FHIT: variants seen among roughly 807,000 people sequenced by gnomAD.
FHIT encodes the protein bis(5'-adenosyl)-triphosphatase.
FHIT carries 19 observed loss-of-function variants against 17.9 expected under a neutral mutation model. The ratio of observed to expected loss-of-function variants is 1.06; its 90% CI spans 0.74 to 1.56. The LOEUF is 1.56. Among genes scored for constraint, FHIT ranks in the 40% most tolerant of loss-of-function variants. FHIT has a pLI of 0.00. For synonymous variants in FHIT, 81 were observed against 69.7 expected, an observed-to-expected ratio of 1.16 and a Z score of -0.81; for missense variants, 248 against 189.2, an observed-to-expected ratio of 1.31 and a Z score of -1.82.
chr3:60,937,634 G>A (rs950390062), intron 3 of FHIT, among the ~76,000 whole-genome samples: 5 of 138,716 alleles, frequency 3.6e-5, no homozygotes, highest in African/African-American at 5.3e-5. Flanking sequence ...TGAGGTCTCC[G>A]CTCACTGCAA....
At chr3:59,921,716 C>T (rs1360289295) in intron 8 of FHIT, among the ~76,000 whole-genome samples, 1 of 152,224 alleles carries the variant, frequency 6.6e-6, no homozygotes, top group Non-Finnish European at 1.5e-5. Context: ...AAATGGGCAT[C>T]TGAAAGTTCT....
At chr3:60,128,989 T>C (rs1346584993) in intron 5 of FHIT, among the ~76,000 whole-genome samples, 4 of 152,048 alleles carry the variant, frequency 2.6e-5, no homozygotes, top group African/African-American at 9.7e-5. Context: ...TTCATTGATT[T>C]CACACCTTTC....
intron 5 of FHIT, among the ~76,000 whole-genome samples, chr3:60,535,043 G>A (rs1255319914): frequency 6.6e-6 from 1 of 152,150 alleles, no homozygotes; most frequent in Admixed American, 6.5e-5. Flanking sequence ...GGCCAACATG[G>A]CAAAACCCCG....
intron 4 of FHIT, among the ~76,000 whole-genome samples, chr3:60,587,022 T>C (rs2037929510): frequency 2.0e-5 from 3 of 152,068 alleles, no homozygotes; most frequent in South Asian, 4.2e-4. Context: ...TCAAACATCC[T>C]GCCTAGGATT....
intron 5 of FHIT, among the ~76,000 whole-genome samples, chr3:60,266,079 T>C (rs1172702563): frequency 6.6e-6 from 1 of 151,954 alleles, no homozygotes; most frequent in Non-Finnish European, 1.5e-5. Flanking sequence ...TGAAAACATA[T>C]GTTCACACAA....
intron 3 of FHIT, among the ~76,000 whole-genome samples, chr3:60,907,493 A>G (rs1706495643): frequency 6.6e-6 from 1 of 152,254 alleles, no homozygotes; most frequent in Admixed American, 6.5e-5. Context: ...AAAAAGAGAC[A>G]TTACAAGGTA....
At chr3:60,453,543 G>A (rs971532677) in intron 5 of FHIT, among the ~76,000 whole-genome samples, 1 of 152,166 alleles carries the variant, frequency 6.6e-6, no homozygotes, top group Non-Finnish European at 1.5e-5. Flanking sequence ...TCAACAGGAA[G>A]TTGTAAAACA....
chr3:60,639,055 T>C (rs2039660863), intron 4 of FHIT, among the ~76,000 whole-genome samples: 2 of 141,566 alleles, frequency 1.4e-5, no homozygotes, highest in South Asian at 2.4e-4. Context: ...AACCAAGGCA[T>C]GCAAGATTCA....
chr3:59,942,274 T>G (rs988756547), intron 7 of FHIT, among the ~76,000 whole-genome samples: 1 of 152,210 alleles, frequency 6.6e-6, no homozygotes, highest in East Asian at 1.9e-4. Context: ...TATTATTTGA[T>G]GCTTATGCAA....
At chr3:60,317,033 A>G (rs557668099) in intron 5 of FHIT, among the ~76,000 whole-genome samples, 1 of 152,194 alleles carries the variant, frequency 6.6e-6, no homozygotes, top group Non-Finnish European at 1.5e-5. Context: ...TGTGTTAACC[A>G]TAGCTATACA....
intron 8 of FHIT, among the ~76,000 whole-genome samples, chr3:59,876,960 T>C (rs557043913): frequency 1.3e-5 from 2 of 152,316 alleles, no homozygotes; most frequent in East Asian, 3.9e-4. Context: ...AAACAGTTCC[T>C]TGTCCATCAA....
intron 8 of FHIT, among the ~76,000 whole-genome samples, chr3:59,881,301 C>T (rs535088081): frequency 2.0e-5 from 3 of 152,230 alleles, no homozygotes; most frequent in Admixed American, 6.5e-5. Flanking sequence ...CTACACTGGC[C>T]AAGTATTTGG....
At chr3:60,425,462 A>T (rs987201650) in intron 5 of FHIT, among the ~76,000 whole-genome samples, 1 of 152,118 alleles carries the variant, frequency 6.6e-6, no homozygotes, top group Non-Finnish European at 1.5e-5. Flanking sequence ...TGGTGAAGTA[A>T]TCTGTACACT....
intron 5 of FHIT, among the ~76,000 whole-genome samples, chr3:60,097,778 T>C (rs1365180749): frequency 6.6e-6 from 1 of 151,416 alleles, no homozygotes; most frequent in Non-Finnish European, 1.5e-5. Context: ...GTTTGTTACA[T>C]ATGTATACAT....
At chr3:60,858,090 T>C (rs1553750443) in intron 3 of FHIT, among the ~76,000 whole-genome samples, 1 of 152,188 alleles carries the variant, frequency 6.6e-6, no homozygotes, top group Non-Finnish European at 1.5e-5. Flanking sequence ...TTTGTCTTGG[T>C]CACTACTCCA....
chr3:61,171,062 C>A (rs2037989151), intron 2 of FHIT, among the ~76,000 whole-genome samples: 3 of 152,192 alleles, frequency 2.0e-5, no homozygotes, highest in Admixed American at 2.0e-4. Context: ...AATTTACACT[C>A]CCACCAAAGG....
rs537805254 is a variant in FHIT at position 59,915,938 on chromosome 3, A to G, written c.348+6408T>C. ...CAAAGTGAGACCCTGTCTCTTAGGG[A>G]AAAAAAAAAAAAAGAGTTAATAAAA... On this transcript the variant is annotated intron_variant, in intron 8 of 9. Transcript: ENST00000492590. Among the ~76,000 whole-genome samples the G allele has an allele frequency of 6.0e-3, 31 of 5,148 alleles. No homozygotes were observed. In the East Asian group the frequency reaches 0.33, roughly 54 times the overall value. The allele number at this position is 5,148 out of a possible 152,430, so 3.4% of individuals were successfully genotyped here. A position where few individuals can be genotyped will look rare whatever the true frequency, so the allele number is the denominator to read the frequency against.
intron 2 of FHIT, among the ~76,000 whole-genome samples, chr3:61,170,694 G>C (rs748325097): frequency 2.0e-5 from 3 of 152,152 alleles, no homozygotes; most frequent in Non-Finnish European, 4.4e-5. Flanking sequence ...TTCCTGCAAA[G>C]GACATGATCT....
chr3:60,088,183 A>C (rs977876954), intron 5 of FHIT, among the ~76,000 whole-genome samples: 43 of 152,040 alleles, frequency 2.8e-4, no homozygotes, highest in African/African-American at 1.0e-3. Context: ...ACAGATGGAG[A>C]ACTCATCCCC....
Sources: allele counts gnomAD v4.1 joint callset (sites outside exome capture counted in the v4.1 genomes callset), GRCh38; gene constraint gnomAD v4.1.1; transcripts MANE v1.5; gene names NCBI Gene and HGNC (gene_info 2026-07-23, HGNC 2026-07-21).